Variants in SLC5A12 observed in about 807,000 individuals in gnomAD.
The protein encoded by SLC5A12 is solute carrier family 5 member 12, also known as sodium-coupled monocarboxylate transporter 2.
SLC5A12 carries 46 observed loss-of-function variants against 72.7 expected under a neutral mutation model. The observed-to-expected ratio is 0.63, with a 90% CI of 0.50 to 0.81. SLC5A12 has a LOEUF of 0.81. Ranked by LOEUF, SLC5A12 falls within the 30% of genes least tolerant of loss-of-function variation. The probability of loss-of-function intolerance (pLI) is 0.00; values close to 1 mark genes in which losing one functional copy is unlikely to be tolerated. For synonymous variants in SLC5A12, 275 were observed against 264.4 expected (o/e 1.04, Z -0.39); for missense variants, 683 against 740.7 (o/e 0.92, Z 0.90).
chr11:26,683,913 C>T, intron 10 of SLC5A12, 70 bp from the exon 11 acceptor site: 1 of 1,219,788 alleles, frequency 8.2e-7, no homozygotes, highest in Non-Finnish European at 1.2e-6. Context: ...CATCATACCT[C>T]TCTTGGACCT....
At chr11:26,701,957 A>G (rs1854967524) in intron 6 of SLC5A12, among the ~76,000 whole-genome samples, 1 of 152,208 alleles carries the variant, frequency 6.6e-6, no homozygotes, top group African/African-American at 2.4e-5. Context: ...CCTAACTTTC[A>G]GGTATTAACA....
chr11:26,684,617 G>A (rs538859974), intron 10 of SLC5A12, among the ~76,000 whole-genome samples: 3 of 152,014 alleles, frequency 2.0e-5, no homozygotes, highest in East Asian at 3.9e-4. Flanking sequence ...TCAAGAAGGT[G>A]GGCCCAGGAT....
chr11:26,701,180 C>G (rs1854949864), intron 6 of SLC5A12, among the ~76,000 whole-genome samples: 1 of 152,188 alleles, frequency 6.6e-6, no homozygotes, highest in South Asian at 2.1e-4. Context: ...AATCTCCCCT[C>G]CAGCTCTGTG....
chr11:26,701,170 A>C (rs1854949605), intron 6 of SLC5A12, among the ~76,000 whole-genome samples: 1 of 152,102 alleles, frequency 6.6e-6, no homozygotes. Context: ...TCACTACAGC[A>C]ATCTCCCCTC....
chr11:26,703,685 A>G lies in SLC5A12; in HGVS notation c.681-14T>C. On this transcript the variant is annotated splice_polypyrimidine_tract_variant and intron_variant, in intron 5 of 14. Coordinates refer to ENST00000396005, the MANE Select transcript of SLC5A12 (RefSeq NM_178498.4). Reference sequence around the variant, plus strand: ...TCTACATCAAAGCTATGAGACAGAGAGAAATGAGTGAACAAAGATATTCCT... The same window carrying G: ...TCTACATCAAAGCTATGAGACAGAGGGAAATGAGTGAACAAAGATATTCCT... The G allele has an allele frequency of 6.2e-7, 1 of 1,613,826 alleles. No homozygotes were observed. Among genetic ancestry groups the G allele is most frequent in the Non-Finnish European group, 8.5e-7 (1 of 1,179,830 alleles).
At position 26,671,030 on chromosome 11, in the gene SLC5A12, C is replaced by A; in HGVS notation, c.*72G>T. On this transcript the variant is annotated 3_prime_UTR_variant, in exon 15 of 15. Coordinates refer to ENST00000396005, the MANE Select transcript of SLC5A12 (RefSeq NM_178498.4). ...CTATACATATCTACTAACAAGTAGG[C>A]AAGAAGTATGTGGAGTTTGTGTGTG... 1 of 1,226,804 alleles carries A rather than the reference C, an allele frequency of 8.2e-7. No individual in the cohort carries two copies. The highest frequency in any genetic ancestry group is 1.6e-5 in the South Asian group (1 of 61,888). 76.0% of individuals were successfully genotyped at this position (1,226,804 alleles called of 1,614,324 possible).
Position 26,703,573 on chromosome 11 carries a change from A to G in SLC5A12, c.779T>C (p.Ile260Thr), listed in dbSNP as rs775307290. The change falls in exon 6 of 15, where the codon ATT (isoleucine) becomes ACT (threonine). Residue 260 changes from isoleucine (I) to threonine (T), a missense_variant. Ile to Thr is a moderately conservative substitution (Grantham distance 89). Transcript: ENST00000396005. ...LGIYGVNQSTIQRCISCKTEK... is the reference protein window; with the variant it reads ...LGIYGVNQSTTQRCISCKTEK... Reference sequence around the variant, plus strand: ...TGTTTTGCAAGAGATGCATCGCTGAATAGTTGATTGATTGACCCCATAGAT... The same window carrying G: ...TGTTTTGCAAGAGATGCATCGCTGAGTAGTTGATTGATTGACCCCATAGAT... 6.2e-7 allele frequency: 1 copy of G among 1,614,016 alleles called. No homozygotes were observed. Among genetic ancestry groups the G allele is most frequent in the Admixed American group, 1.7e-5 (1 of 59,998 alleles).
At chr11:26,694,161 TA>T in intron 8 of SLC5A12, among the ~76,000 whole-genome samples, 1 of 152,184 alleles carries the variant, frequency 6.6e-6, no homozygotes, top group Non-Finnish European at 1.5e-5. Context: ...CTAAGGCTGC[TA>T]CAAGATAGTG....
chr11:26,672,467 C>T (rs1304534255), intron 14 of SLC5A12, among the ~76,000 whole-genome samples: 1 of 152,158 alleles, frequency 6.6e-6, no homozygotes, highest in Admixed American at 6.6e-5. Flanking sequence ...CAAGGTCTGG[C>T]AGTCATCAAA....
intron 13 of SLC5A12, among the ~76,000 whole-genome samples, chr11:26,677,956 C>G (rs896940289): frequency 6.6e-6 from 1 of 152,178 alleles, no homozygotes; most frequent in Non-Finnish European, 1.5e-5. Flanking sequence ...ATCTCCCACA[C>G]TCTCACCACT....
Position 26,670,902 on chromosome 11 carries a change from A to C in SLC5A12, c.*200T>G. ...GAGCAGGTTGGTTTTTCTCTGTGAA[A>C]GTTGGAGTCTTTCAAAGAATATCCC... On this transcript the variant is annotated 3_prime_UTR_variant, in exon 15 of 15. Transcript: ENST00000396005. 2 of 427,606 alleles carry C rather than the reference A, an allele frequency of 4.7e-6. No individual in the cohort carries two copies. Among genetic ancestry groups the C allele is most frequent in the Non-Finnish European group, 7.9e-6 (2 of 252,356 alleles). 26.5% of individuals were successfully genotyped at this position (427,606 alleles called of 1,614,324 possible).
At chr11:26,709,447 G>A in intron 3 of SLC5A12, 68 bp from the exon 4 acceptor site, 1 of 1,151,844 alleles carries the variant, frequency 8.7e-7, no homozygotes, top group Non-Finnish European at 1.3e-6. Context: ...GTTTTATGAG[G>A]AAAAAGACAC....
At position 26,703,853 on chromosome 11, in the gene SLC5A12, G is replaced by A. The variant is rs1590731829; in HGVS notation, c.620C>T (p.Ala207Val). Residue 207 changes from alanine to valine, a missense_variant, in exon 5 of 15, where the codon GCT becomes GTT. Transcript: ENST00000396005. Reference sequence around the variant, plus strand: ...CTCTAATACATTGTGGAATCCCCCAGCATGAGTTGATCCTTGAATGAGAAC... The same window carrying A: ...CTCTAATACATTGTGGAATCCCCCAACATGAGTTGATCCTTGAATGAGAAC... Reference protein sequence around the residue: ...LTVLIQGSTHAGGFHNVLEQS... With the variant: ...LTVLIQGSTHVGGFHNVLEQS... 1 of 1,613,910 alleles carries A rather than the reference G, an allele frequency of 6.2e-7. No homozygotes were observed. The highest frequency in any genetic ancestry group is 8.5e-7 in the Non-Finnish European group (1 of 1,179,866).
At position 26,670,276 on chromosome 11, in the gene SLC5A12, C is replaced by T. The variant is rs998705716; in HGVS notation, c.*826G>A. 2 of 152,120 alleles carry T rather than the reference C, an allele frequency of 1.3e-5. No homozygotes were observed. The highest frequency in any genetic ancestry group is 2.9e-5 in the Non-Finnish European group (2 of 68,018). The allele number at this position is 152,120 out of a possible 1,614,324, so 9.4% of individuals were successfully genotyped here. A position where few individuals can be genotyped will look rare whatever the true frequency, so the allele number is the denominator to read the frequency against. On this transcript the variant is annotated 3_prime_UTR_variant, in exon 15 of 15. Transcript: ENST00000396005. ...GTTCTTTTACCAAATTCTATCCTAA[C>T]AACCTTCTATAGGACATTCCTTTTC...
At chr11:26,698,621 G>A in intron 6 of SLC5A12, 86 bp from the exon 7 acceptor site, 1 of 1,310,236 alleles carries the variant, frequency 7.6e-7, no homozygotes, top group Non-Finnish European at 1.0e-6. Context: ...AAGGTAAAGG[G>A]TTTTGGGTCT....
chr11:26,689,276 T>C (rs1337991335), intron 9 of SLC5A12, among the ~76,000 whole-genome samples: 1 of 152,040 alleles, frequency 6.6e-6, no homozygotes, highest in Non-Finnish European at 1.5e-5. Context: ...CATGCGCCTG[T>C]AGTCTCAGCT....
intron 8 of SLC5A12, among the ~76,000 whole-genome samples, chr11:26,693,827 GA>G (rs1370286329): frequency 7.2e-5 from 11 of 152,096 alleles, no homozygotes; most frequent in African/African-American, 1.2e-4. Flanking sequence ...ACCCATATCT[GA>G]AAACTAATTG....
intron 6 of SLC5A12, among the ~76,000 whole-genome samples, chr11:26,701,967 A>G (rs773552834): frequency 6.6e-6 from 1 of 152,240 alleles, no homozygotes; most frequent in African/African-American, 2.4e-5. Context: ...AGGTATTAAC[A>G]TAGAGAAATT....
chr11:26,683,090 G>C (rs377375902), intron 11 of SLC5A12, among the ~76,000 whole-genome samples: 1 of 152,168 alleles, frequency 6.6e-6, no homozygotes, highest in Non-Finnish European at 1.5e-5. Flanking sequence ...ATGCATGTAA[G>C]TGTGCACATG....
Sources: gnomAD v4.1 joint callset for allele counts (sites outside exome capture counted in the v4.1 genomes callset) on GRCh38, gnomAD v4.1.1 for gene constraint, MANE v1.5 for transcripts, NCBI Gene and HGNC (gene_info 2026-07-23, HGNC 2026-07-21) for gene names.